ARMC8: variants seen among roughly 807,000 people sequenced by gnomAD.
The protein encoded by ARMC8 is armadillo repeat containing 8, also known as armadillo repeat-containing protein 8.
In ARMC8, 20 loss-of-function variants were observed where a neutral mutation model predicts 99.3. The ratio of observed to expected loss-of-function variants is 0.20; its 90% CI spans 0.14 to 0.29. The LOEUF is 0.29. Ranked by LOEUF, ARMC8 falls within the 10% of genes least tolerant of loss-of-function variation. The pLI is 1.00. For synonymous variants in ARMC8, 263 were observed against 278.3 expected (o/e 0.95, Z 0.55); for missense variants, 569 against 809.5 (o/e 0.70, Z 3.60).
intron 18 of ARMC8, among the ~76,000 whole-genome samples, chr3:138,275,083 T>C (rs1042873825): frequency 3.9e-5 from 6 of 152,182 alleles, no homozygotes; most frequent in African/African-American, 1.4e-4. Context: ...ATCAGGACAG[T>C]TGGGAATTAT....
At chr3:138,264,924 G>T (rs1266947937) in intron 14 of ARMC8, among the ~76,000 whole-genome samples, 2 of 150,656 alleles carry the variant, frequency 1.3e-5, no homozygotes, top group South Asian at 2.1e-4. Flanking sequence ...TAGACACAGG[G>T]TCTCACTGTG....
chr3:138,230,671 A>G (rs1463116229), intron 6 of ARMC8, among the ~76,000 whole-genome samples: 1 of 152,130 alleles, frequency 6.6e-6, no homozygotes, highest in African/African-American at 2.4e-5. Flanking sequence ...TAAATAAATA[A>G]AATTCTATTA....
chr3:138,224,260 A>G (rs991905932), intron 5 of ARMC8, among the ~76,000 whole-genome samples: 1 of 151,946 alleles, frequency 6.6e-6, no homozygotes, highest in Non-Finnish European at 1.5e-5. Flanking sequence ...GCCCGACAAC[A>G]AGACTCCATC....
intron 9 of ARMC8, chr3:138,238,866 G>A (rs774254410): frequency 2.6e-5 from 4 of 152,250 alleles, no homozygotes; most frequent in East Asian, 1.9e-4. Context: ...AATGTTCAGC[G>A]CCTGCCTGGG....
intron 21 of ARMC8, 112 bp from the exon 22 acceptor site, chr3:138,295,747 C>T: frequency 8.0e-7 from 1 of 1,242,458 alleles, no homozygotes; most frequent in Non-Finnish European, 1.1e-6. Flanking sequence ...ACCCCAATTC[C>T]CTCTGGAGAT....
rs1258946292 is a variant in ARMC8, at chr3:138,270,083, C to T, written c.1430C>T (p.Thr477Ile). The T allele has an allele frequency of 6.2e-7, 1 of 1,613,550 alleles. No individual in the cohort carries two copies. Among genetic ancestry groups the T allele is most frequent in the Non-Finnish European group, 8.5e-7 (1 of 1,179,722 alleles). The change falls in exon 16 of 22, where the codon ACT becomes ATT. Residue 477 changes from threonine to isoleucine, a missense_variant. By Grantham distance (89) the Thr-to-Ile change is moderately conservative. This residue lies in a region of ARMC8 where 227 missense variants were observed against 417.9 expected (regional missense o/e 0.54). Coordinates refer to ENST00000469044, the MANE Select transcript of ARMC8 (RefSeq NM_001363941.2). ...SGAVELLCGL[T>I]QSENPALRVN... ...GCCGTAGAGCTACTTTGTGGATTAA[C>T]TCAGAGTGAAAATCCTGCTTTACGA... is the stretch of plus-strand genomic sequence containing the variant.
At chr3:138,208,821 A>G (rs1384705032) in intron 1 of ARMC8, among the ~76,000 whole-genome samples, 1 of 152,226 alleles carries the variant, frequency 6.6e-6, no homozygotes, top group Non-Finnish European at 1.5e-5. Flanking sequence ...CCTCCAAAAT[A>G]AGTATTACAA....
At chr3:138,268,626 A>C (rs1224976724) in intron 15 of ARMC8, among the ~76,000 whole-genome samples, 1 of 152,062 alleles carries the variant, frequency 6.6e-6, no homozygotes, top group African/African-American at 2.4e-5. Flanking sequence ...AAAATTAAAC[A>C]ATCAACCAGG....
intron 12 of ARMC8, chr3:138,245,762 C>A (rs1317189828): frequency 1.0e-6 from 1 of 986,796 alleles, no homozygotes; most frequent in Non-Finnish European, 1.2e-6. Flanking sequence ...CCTTATGTTA[C>A]TAAAGCCTAG....
At position 138,241,798 on chromosome 3, in the gene ARMC8, G is replaced by A; in HGVS notation, c.853G>A (p.Val285Ile). ...CIVLKTLPCL[V>I]RMCSKERLLE... ...TACCTTTCAGACATTACCTTGTTTG[G>A]TTCGAATGTGCAGTAAGGAGAGATT... The change falls in exon 11 of 22, where the codon GTT (valine) becomes ATT (isoleucine). Residue 285 changes from valine (V) to isoleucine (I), a missense_variant. Transcript: ENST00000469044. 6.2e-7 allele frequency: 1 copy of A among 1,613,860 alleles called. No homozygotes were observed. Among genetic ancestry groups the A allele is most frequent in the African/African-American group, 1.3e-5 (1 of 75,004 alleles).
chr3:138,239,627 G>T, intron 10 of ARMC8, 99 bp downstream of exon 10: 2 of 724,934 alleles, frequency 2.8e-6, no homozygotes, highest in Non-Finnish European at 4.5e-6. Context: ...TTATCATTAT[G>T]ATATATGTGC....
At chr3:138,275,677 T>C (rs2049222536) in intron 18 of ARMC8, among the ~76,000 whole-genome samples, 1 of 152,220 alleles carries the variant, frequency 6.6e-6, no homozygotes, top group Non-Finnish European at 1.5e-5. Context: ...GCTGTGCTTC[T>C]CATCTTCTGT....
chr3:138,219,095 G>C (rs891804933), intron 2 of ARMC8, among the ~76,000 whole-genome samples: 1 of 152,168 alleles, frequency 6.6e-6, no homozygotes, highest in Middle Eastern at 3.4e-3. Context: ...TCTGAAAAAA[G>C]GCCAATCCTG....
intron 15 of ARMC8, among the ~76,000 whole-genome samples, chr3:138,268,813 A>G (rs2048518110): frequency 6.6e-6 from 1 of 152,152 alleles, no homozygotes; most frequent in Non-Finnish European, 1.5e-5. Context: ...ATTCTGAACC[A>G]AAGTGGGGGA....
chr3:138,219,647 A>G (rs1404893050), intron 2 of ARMC8, among the ~76,000 whole-genome samples: 1 of 152,264 alleles, frequency 6.6e-6, no homozygotes, highest in African/African-American at 2.4e-5. Flanking sequence ...ACATTCCTTT[A>G]TAGCAACAAT....
chr3:138,252,485 G>A (rs1312752073), intron 12 of ARMC8, among the ~76,000 whole-genome samples: 3 of 139,526 alleles, frequency 2.2e-5, no homozygotes, highest in South Asian at 2.2e-4. Context: ...ACGGGGTCTC[G>A]CACTGTCGCC....
intron 5 of ARMC8, chr3:138,228,709 C>A: frequency 1.9e-6 from 1 of 538,594 alleles, no homozygotes; most frequent in Non-Finnish European, 3.6e-6. Flanking sequence ...ATTTTGCTAC[C>A]AGGGATGAAT....
At chr3:138,203,760 G>T (rs2044209033) in intron 1 of ARMC8, among the ~76,000 whole-genome samples, 1 of 152,196 alleles carries the variant, frequency 6.6e-6, no homozygotes. Context: ...AAGGAAAACT[G>T]CTTCCACATA....
At chr3:138,244,773 G>A (rs530149253) in intron 11 of ARMC8, among the ~76,000 whole-genome samples, 2 of 152,308 alleles carry the variant, frequency 1.3e-5, no homozygotes, top group East Asian at 1.9e-4. Flanking sequence ...ATTAGTGCCA[G>A]TAAAGCTACC....
Sources: gnomAD v4.1 joint callset for allele counts (sites outside exome capture counted in the v4.1 genomes callset) on GRCh38, gnomAD v4.1.1 for gene constraint, gnomAD v4.1.1 regional missense constraint, MANE v1.5 for transcripts, NCBI Gene and HGNC (gene_info 2026-07-23, HGNC 2026-07-21) for gene names.